RICTOR: variants seen among roughly 807,000 people sequenced by gnomAD.
RICTOR encodes the protein RPTOR independent companion of MTOR complex 2.
Under a neutral mutation model 214.9 loss-of-function variants are expected in RICTOR, and 49 were observed. That is an observed-to-expected ratio of 0.23 (90% CI 0.18 to 0.29). The LOEUF (loss-of-function observed/expected upper bound fraction) is 0.29, where lower values mean the gene tolerates loss of function less well. RICTOR is among the 10% of genes least tolerant of loss of function. The pLI is 1.00. For missense variants in RICTOR, 1,625 were observed against 2,047.0 expected, an observed-to-expected ratio of 0.79 and a Z score of 3.98; for synonymous variants, 717 against 711.3, an observed-to-expected ratio of 1.01 and a Z score of -0.13.
At chr5:39,036,910 A>G (rs958972973) in intron 2 of RICTOR, among the ~76,000 whole-genome samples, 1 of 152,184 alleles carries the variant, frequency 6.6e-6, no homozygotes, top group Non-Finnish European at 1.5e-5. Context: ...CAGATCAACG[A>G]GACAGAAAGT....
intron 21 of RICTOR, 57 bp from the exon 22 acceptor site, chr5:38,959,378 AT>A: frequency 3.1e-6 from 3 of 966,588 alleles, no homozygotes; most frequent in Non-Finnish European, 4.6e-6. Flanking sequence ...TGATACATTA[AT>A]TAAACAAATA....
At chr5:39,058,265 G>T (rs905095863) in intron 2 of RICTOR, among the ~76,000 whole-genome samples, 1 of 151,800 alleles carries the variant, frequency 6.6e-6, no homozygotes, top group African/African-American at 2.4e-5. Context: ...TACAACAAAA[G>T]AAAAATGTAA....
At chr5:38,994,809 G>C (rs1278348809) in intron 6 of RICTOR, among the ~76,000 whole-genome samples, 2 of 152,108 alleles carry the variant, frequency 1.3e-5, no homozygotes, top group Admixed American at 1.3e-4. Context: ...ATCCAAAATT[G>C]AATTTAATTG....
chr5:38,987,282 G>A (rs914231130), intron 7 of RICTOR, among the ~76,000 whole-genome samples: 1 of 152,270 alleles, frequency 6.6e-6, no homozygotes, highest in Non-Finnish European at 1.5e-5. Context: ...TGTTTGGAAC[G>A]GTTTCAGAAG....
intron 25 of RICTOR, among the ~76,000 whole-genome samples, chr5:38,957,385 T>C (rs912425982): frequency 2.0e-5 from 3 of 152,138 alleles, no homozygotes; most frequent in Admixed American, 6.6e-5. Context: ...AATTAGATTA[T>C]AAAATCAAAT....
intron 22 of RICTOR, 65 bp downstream of exon 22, chr5:38,959,130 C>T: frequency 7.9e-7 from 1 of 1,268,708 alleles, no homozygotes; most frequent in Non-Finnish European, 1.1e-6. Context: ...TTACTTAGCC[C>T]AAAATTCATA....
chr5:39,006,441 A>C (rs1754058359), intron 3 of RICTOR, among the ~76,000 whole-genome samples: 1 of 152,092 alleles, frequency 6.6e-6, no homozygotes, highest in South Asian at 2.1e-4. Context: ...ATTAAAGAGA[A>C]GATAAATCAT....
chr5:39,071,391 T>C (rs1314167928), intron 2 of RICTOR, among the ~76,000 whole-genome samples: 2 of 152,024 alleles, frequency 1.3e-5, no homozygotes, highest in Non-Finnish European at 2.9e-5. Context: ...TATTAACAAG[T>C]TTATAATATT....
chr5:38,976,712 T>G (rs1751258526), intron 9 of RICTOR, among the ~76,000 whole-genome samples: 1 of 152,166 alleles, frequency 6.6e-6, no homozygotes, highest in Non-Finnish European at 1.5e-5. Flanking sequence ...GGTCATAATA[T>G]ACCCTTATTT....
At chr5:39,043,521 G>A (rs1340318397) in intron 2 of RICTOR, among the ~76,000 whole-genome samples, 1 of 152,152 alleles carries the variant, frequency 6.6e-6, no homozygotes, top group Admixed American at 6.6e-5. Flanking sequence ...CAGTTAGGAG[G>A]AATAAGTTCT....
At chr5:38,947,473 G>T in intron 31 of RICTOR, 32 bp from the exon 32 acceptor site, 1 of 1,483,622 alleles carries the variant, frequency 6.7e-7, no homozygotes, top group Non-Finnish European at 9.3e-7. Flanking sequence ...ACTTGCATTA[G>T]TTTCTTGATC....
At chr5:38,965,915 A>G (rs1750176614) in intron 15 of RICTOR, among the ~76,000 whole-genome samples, 1 of 152,082 alleles carries the variant, frequency 6.6e-6, no homozygotes, top group Non-Finnish European at 1.5e-5. Flanking sequence ...TTCTTCCTTA[A>G]TGAGTTTTAA....
intron 2 of RICTOR, among the ~76,000 whole-genome samples, chr5:39,044,443 T>C (rs1246552622): frequency 1.3e-5 from 2 of 152,178 alleles, no homozygotes; most frequent in East Asian, 3.9e-4. Flanking sequence ...AATATAAGAA[T>C]GGACAAGGGA....
At chr5:39,012,567 A>C (rs1239270) in intron 3 of RICTOR, among the ~76,000 whole-genome samples, 6,852 of 152,272 alleles carry the variant, frequency 0.045, 287 homozygotes, top group African/African-American at 0.1. Flanking sequence ...AATCTTCAAC[A>C]ATTAGGTAGC....
In RICTOR at chr5:38,945,688, G is replaced by T. The variant is rs1316909708; in HGVS notation, c.4436C>A (p.Ser1479Tyr). 5.6e-6 allele frequency: 9 copies of T among 1,613,218 alleles called. No homozygotes were observed. The highest frequency in any genetic ancestry group is 1.7e-4 in the Middle Eastern group (1 of 6,056). ...PSGTGGLVKNSFHLLRQQMSL... is the reference protein window; with the variant it reads ...PSGTGGLVKNYFHLLRQQMSL... ...CATCTGCTGTCGTAGCAAGTGAAAA[G>T]AATTTTTTACAAGACCTCCAGTTCC... The change falls in exon 34 of 38, where the codon TCT becomes TAT. Residue 1479 changes from serine to tyrosine, a missense_variant. By Grantham distance (144) the Ser-to-Tyr change is moderately radical. Coordinates refer to ENST00000357387, the MANE Select transcript of RICTOR (RefSeq NM_152756.5).
chr5:38,944,382 AG>A (rs1747940539), intron 36 of RICTOR, 63 bp downstream of exon 36: 1 of 1,505,050 alleles, frequency 6.6e-7, no homozygotes, highest in African/African-American at 1.4e-5. Flanking sequence ...AAGTATTTCA[AG>A]TATCTTTTCT....
intron 2 of RICTOR, among the ~76,000 whole-genome samples, chr5:39,034,408 T>A (rs1756502956): frequency 6.6e-6 from 1 of 152,176 alleles, no homozygotes; most frequent in East Asian, 1.9e-4. Flanking sequence ...AGATGGGTGA[T>A]TTCTGCATTT....
At chr5:39,037,475 A>G (rs1756807175) in intron 2 of RICTOR, among the ~76,000 whole-genome samples, 1 of 152,150 alleles carries the variant, frequency 6.6e-6, no homozygotes, top group African/African-American at 2.4e-5. Context: ...ATCAGAGCAG[A>G]ACTGAAGGAA....
chr5:39,068,282 A>C (rs56733646), intron 2 of RICTOR, among the ~76,000 whole-genome samples: 161 of 152,312 alleles, frequency 1.1e-3, no homozygotes, highest in African/African-American at 3.7e-3. Flanking sequence ...TTCTTCTTTG[A>C]CTGAAAGATT....
Sources: gnomAD v4.1 joint callset for allele counts (sites outside exome capture counted in the v4.1 genomes callset) on GRCh38, gnomAD v4.1.1 for gene constraint, MANE v1.5 for transcripts, NCBI Gene and HGNC (gene_info 2026-07-23, HGNC 2026-07-21) for gene names.